The following RTF1 variants were observed in gnomAD, a reference collection of about 807,000 sequenced individuals.
RTF1 encodes RNA polymerase-associated protein RTF1 homolog.
A neutral mutation model predicts 95.7 loss-of-function variants in RTF1; 10 were observed. The observed-to-expected ratio is 0.10, with a 90% CI of 0.06 to 0.18. The LOEUF is 0.18. RTF1 is among the 10% of genes least tolerant of loss of function. RTF1 has a pLI of 1.00. For missense variants in RTF1, 458 were observed against 875.6 expected (o/e 0.52, Z 6.02); for synonymous variants, 305 against 311.8 (o/e 0.98, Z 0.23).
intron 6 of RTF1, among the ~76,000 whole-genome samples, chr15:41,466,821 C>A (rs1595437818): frequency 2.6e-5 from 4 of 152,312 alleles, no homozygotes; most frequent in Admixed American, 2.6e-4. Flanking sequence ...GCTGAAGGAA[C>A]TGGGTCATTT....
At chr15:41,454,433 G>A (rs973819877) in intron 3 of RTF1, among the ~76,000 whole-genome samples, 2 of 152,008 alleles carry the variant, frequency 1.3e-5, no homozygotes, top group African/African-American at 4.8e-5. Flanking sequence ...AAATAAAAAA[G>A]AAATTATAGG....
At position 41,457,829 on chromosome 15, in the gene RTF1, G is replaced by A. The variant is rs1206434773; in HGVS notation, c.615G>A (p.Glu205=). ...AACAGATGACAGAGAAAGAGAGAGA[G>A]CAAGAACTGTTCAATCGCATAGAGA... ...RLEQMTEKER[E]QELFNRIEKR... The change falls in exon 4 of 18, where the codon GAG becomes GAA. Residue 205 remains glutamate, a synonymous_variant. Transcript: ENST00000389629. The A allele has an allele frequency of 1.2e-6, 2 of 1,614,116 alleles. No homozygotes were observed. Among genetic ancestry groups the A allele is most frequent in the Non-Finnish European group, 1.7e-6 (2 of 1,180,024 alleles).
At chr15:41,435,550 T>C (rs1473925193) in intron 1 of RTF1, among the ~76,000 whole-genome samples, 3 of 152,112 alleles carry the variant, frequency 2.0e-5, no homozygotes, top group African/African-American at 7.2e-5. Flanking sequence ...GTTAACATTT[T>C]GGTATGAAAA....
At chr15:41,458,430 G>A (rs1369755223) in intron 4 of RTF1, among the ~76,000 whole-genome samples, 2 of 152,086 alleles carry the variant, frequency 1.3e-5, no homozygotes, top group Admixed American at 6.6e-5. Flanking sequence ...CCTCTCCTGC[G>A]TCACATTTCC....
At chr15:41,422,089 C>T (rs1483796739) in intron 1 of RTF1, among the ~76,000 whole-genome samples, 1 of 152,088 alleles carries the variant, frequency 6.6e-6, no homozygotes, top group Non-Finnish European at 1.5e-5. Flanking sequence ...GACTGGAGTA[C>T]AATAGCACGA....
Position 41,473,564 on chromosome 15 carries a change from CTG to C in RTF1, c.1204-1053_1204-1052del, listed in dbSNP as rs2050926545. On this transcript the variant is annotated intron_variant, in intron 8 of 17. Transcript: ENST00000389629. ...GTGCTAGGTTTGCAGGTATGAGACACTGTGCCCAGCCTGTTTGAGATAGGATC... is the reference window on the plus strand; with the variant it reads ...GTGCTAGGTTTGCAGGTATGAGACACTGCCCAGCCTGTTTGAGATAGGATC... Among the ~76,000 whole-genome samples the C allele has an allele frequency of 3.3e-5, 5 of 151,848 alleles. No homozygotes were observed. The South Asian group carries it at 1.0e-3, about 32-fold the overall frequency.
At chr15:41,421,414 C>A (rs2050599979) in intron 1 of RTF1, among the ~76,000 whole-genome samples, 1 of 150,802 alleles carries the variant, frequency 6.6e-6, no homozygotes, top group African/African-American at 2.4e-5. Flanking sequence ...CGAGATCGTG[C>A]CATTGCACTC....
chr15:41,480,509 T>C, intron 17 of RTF1, 72 bp from the exon 18 acceptor site: 1 of 1,171,044 alleles, frequency 8.5e-7, no homozygotes, highest in Admixed American at 1.8e-5. Context: ...GGAGGCTGCC[T>C]GCAGGAGTGT....
intron 3 of RTF1, among the ~76,000 whole-genome samples, chr15:41,455,117 C>A (rs2140959474): frequency 6.6e-6 from 1 of 152,034 alleles, no homozygotes; most frequent in South Asian, 2.1e-4. Flanking sequence ...AGTTTGAGAC[C>A]ATCCTGGCCA....
intron 5 of RTF1, among the ~76,000 whole-genome samples, chr15:41,465,155 C>T (rs2050874299): frequency 6.6e-6 from 1 of 150,798 alleles, no homozygotes; most frequent in South Asian, 2.1e-4. Context: ...CCTCCTTCCC[C>T]CTTCCCTTCC....
chr15:41,444,743 G>C (rs2140954670), intron 2 of RTF1, among the ~76,000 whole-genome samples: 1 of 152,204 alleles, frequency 6.6e-6, no homozygotes, highest in Admixed American at 6.6e-5. Context: ...ATATTGGTAA[G>C]AAGTGACCAT....
intron 4 of RTF1, among the ~76,000 whole-genome samples, chr15:41,461,534 C>T (rs907224144): frequency 1.3e-5 from 2 of 150,004 alleles, no homozygotes; most frequent in Admixed American, 1.3e-4. Flanking sequence ...GCTCTGTCCC[C>T]CAGGCTGGAG....
At chr15:41,417,396 G>A in intron 1 of RTF1, 83 bp downstream of exon 1, 2 of 1,171,448 alleles carry the variant, frequency 1.7e-6, no homozygotes, top group Non-Finnish European at 2.2e-6. Context: ...CGGGCCTGGA[G>A]CCTTCCTACC....
intron 1 of RTF1, among the ~76,000 whole-genome samples, chr15:41,419,476 C>G (rs1401126719): frequency 6.6e-6 from 1 of 152,184 alleles, no homozygotes; most frequent in Non-Finnish European, 1.5e-5. Flanking sequence ...TTCCACTATA[C>G]CAACTCAATC....
intron 2 of RTF1, among the ~76,000 whole-genome samples, chr15:41,442,203 T>C (rs2050739248): frequency 6.6e-6 from 1 of 151,380 alleles, no homozygotes; most frequent in Non-Finnish European, 1.5e-5. Context: ...AGTCTCTCTC[T>C]GTTGCCCAGG....
At chr15:41,442,124 G>T (rs1486224693) in intron 2 of RTF1, among the ~76,000 whole-genome samples, 1 of 151,748 alleles carries the variant, frequency 6.6e-6, no homozygotes, top group Non-Finnish European at 1.5e-5. Context: ...AGATTCTTAG[G>T]TTATAAAGTT....
Position 41,477,068 on chromosome 15 carries a change from A to G in RTF1, c.1561-97A>G. On this transcript the variant is annotated intron_variant, in intron 12 of 17. Transcript: ENST00000389629. ...ACATCTCCTGTCCTTTGCTCACCACATGAGATATCTTTGCCTGTGCTGGAA... is the reference window on the plus strand; with the variant it reads ...ACATCTCCTGTCCTTTGCTCACCACGTGAGATATCTTTGCCTGTGCTGGAA... 11 of 1,486,444 alleles carry G rather than the reference A, an allele frequency of 7.4e-6. No individual in the cohort carries two copies. In the South Asian group the frequency reaches 1.1e-4, roughly 15 times the overall value. 92.1% of individuals were successfully genotyped at this position (1,486,444 alleles called of 1,614,324 possible). A position where few individuals can be genotyped will look rare whatever the true frequency, so the allele number is the denominator to read the frequency against.
At chr15:41,470,937 C>T (rs376209364) in intron 7 of RTF1, among the ~76,000 whole-genome samples, 6 of 152,214 alleles carry the variant, frequency 3.9e-5, no homozygotes, top group African/African-American at 1.2e-4. Context: ...GGATTACAGG[C>T]TCATTCATTT....
In RTF1 at chr15:41,451,553, C is replaced by T. The variant is rs1017918014; in HGVS notation, c.310-1348C>T. Reference sequence around the variant, plus strand: ...ATTTCTGGGATTTCCTGTTTCTGATCCAGTTTAAGTGTCATGTTATTGTGT... The same window carrying T: ...ATTTCTGGGATTTCCTGTTTCTGATTCAGTTTAAGTGTCATGTTATTGTGT... On this transcript the variant is annotated intron_variant, in intron 2 of 17. Coordinates refer to ENST00000389629, the MANE Select transcript of RTF1 (RefSeq NM_015138.5). 4.6e-5 allele frequency among the ~76,000 whole-genome samples: 7 copies of T among 152,244 alleles called. 2 individuals carry two copies. Among genetic ancestry groups the T allele is most frequent in the Admixed American group, 4.6e-4 (7 of 15,276 alleles).
Sources: allele counts gnomAD v4.1 joint callset (sites outside exome capture counted in the v4.1 genomes callset), GRCh38; gene constraint gnomAD v4.1.1; transcripts MANE v1.5; gene names NCBI Gene and HGNC (gene_info 2026-07-23, HGNC 2026-07-21).